MAGI1: variants seen among roughly 807,000 people sequenced by gnomAD.
MAGI1 encodes membrane-associated guanylate kinase, WW and PDZ domain-containing protein 1.
MAGI1 carries 58 observed loss-of-function variants against 139.9 expected under a neutral mutation model. That is an observed-to-expected ratio of 0.41 (90% CI 0.34 to 0.52). The LOEUF (loss-of-function observed/expected upper bound fraction) is 0.52, where lower values mean the gene tolerates loss of function less well. Among genes scored for constraint, MAGI1 ranks in the 20% least tolerant of loss-of-function variants. MAGI1 has a pLI of 0.12. For missense variants in MAGI1, 1,874 were observed against 1,901.6 expected, an observed-to-expected ratio of 0.99 and a Z score of 0.27; for synonymous variants, 812 against 737.9, an observed-to-expected ratio of 1.10 and a Z score of -1.63.
intron 1 of MAGI1, among the ~76,000 whole-genome samples, chr3:65,924,615 A>G (rs2062399327): frequency 6.6e-6 from 1 of 152,220 alleles, no homozygotes; most frequent in South Asian, 2.1e-4. Context: ...TTAGAGTACT[A>G]GAGCAGGTTT....
intron 1 of MAGI1, among the ~76,000 whole-genome samples, chr3:65,664,537 G>A (rs1025187582): frequency 1.3e-5 from 2 of 152,154 alleles, no homozygotes; most frequent in South Asian, 2.1e-4. Flanking sequence ...ATTTGAACTC[G>A]ACCACACCAG....
chr3:65,575,778 C>T (rs1044536289), intron 2 of MAGI1, among the ~76,000 whole-genome samples: 5 of 152,084 alleles, frequency 3.3e-5, no homozygotes, highest in Non-Finnish European at 7.4e-5. Flanking sequence ...TATTATGCTA[C>T]GAATGAAGTC....
At chr3:65,418,869 C>T (rs890707199) in intron 12 of MAGI1, among the ~76,000 whole-genome samples, 33 of 152,224 alleles carry the variant, frequency 2.2e-4, no homozygotes, top group Admixed American at 5.2e-4. Context: ...CCTCAGGGGA[C>T]GTTATGCCAC....
chr3:65,630,242 G>C (rs1361745838), intron 1 of MAGI1, among the ~76,000 whole-genome samples: 1 of 152,162 alleles, frequency 6.6e-6, no homozygotes, highest in African/African-American at 2.4e-5. Flanking sequence ...CTGAGCAGCA[G>C]GGTATATGCC....
chr3:65,732,070 G>T (rs762394616), intron 1 of MAGI1, among the ~76,000 whole-genome samples: 1 of 152,006 alleles, frequency 6.6e-6, no homozygotes, highest in Non-Finnish European at 1.5e-5. Flanking sequence ...AAACATTCAC[G>T]TATCAATTTA....
At chr3:65,447,528 TAACTATTCAATTCCTC>T (rs1318903314) in intron 7 of MAGI1, among the ~76,000 whole-genome samples, 10 of 152,330 alleles carry the variant, frequency 6.6e-5, no homozygotes, top group Admixed American at 6.5e-5. Flanking sequence ...TCCTAAGACT[TAACTATTCAATTCCTC>T]AGTGACCTTC....
chr3:65,780,024 G>C (rs535186021), intron 1 of MAGI1, among the ~76,000 whole-genome samples: 13 of 143,302 alleles, frequency 9.1e-5, no homozygotes, highest in South Asian at 5.0e-4. Flanking sequence ...CAATTTTTTG[G>C]GGGGGGAAGG....
intron 1 of MAGI1, among the ~76,000 whole-genome samples, chr3:65,636,187 T>C (rs1384937859): frequency 2.0e-5 from 3 of 152,178 alleles, no homozygotes; most frequent in East Asian, 1.9e-4. Flanking sequence ...ACAAAACAAG[T>C]TCTAGACTTA....
chr3:65,548,198 G>T (rs567692856), intron 2 of MAGI1, among the ~76,000 whole-genome samples: 6 of 152,306 alleles, frequency 3.9e-5, no homozygotes, highest in Admixed American at 3.9e-4. Context: ...TCCTGTGAGT[G>T]AGCAGGGAAG....
At position 66,026,278 on chromosome 3, in the gene MAGI1, G is replaced by A. The variant is rs189243813; in HGVS notation, c.313+11718C>T. 6.3e-3 allele frequency among the ~76,000 whole-genome samples: 966 copies of A among 152,138 alleles called. 13 individuals carry two copies. Among genetic ancestry groups the A allele is most frequent in the African/African-American group, 0.017 (708 of 41,482 alleles). On this transcript the variant is annotated intron_variant, in intron 1 of 22. Transcript: ENST00000402939. ...GATGCACACATCTGGCCAGAATAAA[G>A]GCCCTCTAAGACCTTCAACATAATT...
chr3:65,750,085 G>A (rs1166844833), intron 1 of MAGI1, among the ~76,000 whole-genome samples: 2 of 152,186 alleles, frequency 1.3e-5, no homozygotes, highest in Non-Finnish European at 2.9e-5. Context: ...TCCTGAGGGT[G>A]CTGAGGCTGG....
At position 65,847,848 on chromosome 3, in the gene MAGI1, T is replaced by C. The variant is rs982982453; in HGVS notation, c.313+190148A>G. On this transcript the variant is annotated intron_variant, in intron 1 of 22. Coordinates refer to ENST00000402939, the MANE Select transcript of MAGI1 (RefSeq NM_001033057.2). ...GCCTAACTAAGGAATTTGTCTCACG[T>C]CACAGAAATAGCAGAGCTGGGATTT... Among the ~76,000 whole-genome samples the C allele has an allele frequency of 3.9e-5, 6 of 152,306 alleles. No homozygotes were observed. The East Asian group carries it at 7.7e-4, about 20-fold the overall frequency.
intron 2 of MAGI1, among the ~76,000 whole-genome samples, chr3:65,529,940 G>C (rs1389543706): frequency 6.6e-6 from 1 of 152,020 alleles, no homozygotes; most frequent in Non-Finnish European, 1.5e-5. Context: ...AGCTGATCTT[G>C]ACCCTCTCCC....
intron 1 of MAGI1, among the ~76,000 whole-genome samples, chr3:65,953,200 T>C (rs1667909560): frequency 1.3e-5 from 2 of 152,208 alleles, no homozygotes; most frequent in South Asian, 4.1e-4. Context: ...ATCTTCATTC[T>C]TGCTTCCAAA....
At chr3:65,597,319 G>T (rs905045561) in intron 2 of MAGI1, among the ~76,000 whole-genome samples, 1 of 131,662 alleles carries the variant, frequency 7.6e-6, no homozygotes, top group South Asian at 2.5e-4. Context: ...CCGGGCTGAC[G>T]AGCACACTTT....
intron 1 of MAGI1, among the ~76,000 whole-genome samples, chr3:65,890,180 C>A (rs1049235596): frequency 6.6e-6 from 1 of 152,016 alleles, no homozygotes; most frequent in Non-Finnish European, 1.5e-5. Flanking sequence ...CTGGCTAACA[C>A]AGTGAAACCC....
intron 1 of MAGI1, among the ~76,000 whole-genome samples, chr3:65,941,745 C>T (rs2063324802): frequency 6.6e-6 from 1 of 152,166 alleles, no homozygotes; most frequent in African/African-American, 2.4e-5. Flanking sequence ...AACTGTTTCC[C>T]AATGGCTTTC....
intron 1 of MAGI1, among the ~76,000 whole-genome samples, chr3:65,747,726 G>A (rs984104853): frequency 1.3e-5 from 2 of 152,124 alleles, no homozygotes; most frequent in Admixed American, 6.5e-5. Context: ...GAGAAACTGC[G>A]GGAGAGGAGG....
At chr3:65,758,376 C>T (rs2036724368) in intron 1 of MAGI1, among the ~76,000 whole-genome samples, 1 of 152,208 alleles carries the variant, frequency 6.6e-6, no homozygotes. Context: ...AAATATCAGA[C>T]ATCCAGTCTG....
Sources: gnomAD v4.1 joint callset for allele counts (sites outside exome capture counted in the v4.1 genomes callset) on GRCh38, gnomAD v4.1.1 for gene constraint, MANE v1.5 for transcripts, NCBI Gene and HGNC (gene_info 2026-07-23, HGNC 2026-07-21) for gene names.